The following KLHL21 variants were observed in gnomAD, a reference collection of about 807,000 sequenced individuals.
KLHL21 encodes the protein kelch-like protein 21.
In KLHL21, 42 loss-of-function variants were observed where a neutral mutation model predicts 44.1. That is an observed-to-expected ratio of 0.95 (90% CI 0.74 to 1.23). The LOEUF (loss-of-function observed/expected upper bound fraction) is 1.23. Among genes scored for constraint, KLHL21 ranks in the 50% most tolerant of loss-of-function variants. The pLI, the probability that KLHL21 is intolerant of heterozygous loss-of-function variation, is 0.00. For missense variants in KLHL21, 918 were observed against 889.1 expected, an observed-to-expected ratio of 1.03 and a Z score of -0.41; for synonymous variants, 524 against 411.6, an observed-to-expected ratio of 1.27 and a Z score of -3.31.
rs770184255 is a variant in KLHL21, at chr1:6,593,363, G to T, written c.*2C>A. Reference sequence around the variant, plus strand: ...CGAGGCCCGTGCCGGGCCAGACTGGGGCTAGTGCAGCTCATCGGGGTCCCG... The same window carrying T: ...CGAGGCCCGTGCCGGGCCAGACTGGTGCTAGTGCAGCTCATCGGGGTCCCG... On this transcript the variant is annotated 3_prime_UTR_variant, in exon 4 of 4. Transcript: ENST00000377658. 15 of 1,583,764 alleles carry T rather than the reference G, an allele frequency of 9.5e-6. No homozygotes were observed. In the South Asian group the frequency reaches 1.2e-4, roughly 13 times the overall value.
At chr1:6,599,681 A>C in intron 1 of KLHL21, 1 of 574,694 alleles carries the variant, frequency 1.7e-6, no homozygotes. Flanking sequence ...CTACCAAACA[A>C]AGGTCCTGAG....
In KLHL21 at chr1:6,599,355, C is replaced by G; in HGVS notation, c.1119G>C (p.Glu373Asp). ...AEVAPMLKAREYHSSSVLDGL... is the reference protein window; with the variant it reads ...AEVAPMLKARDYHSSSVLDGL... ...CGTCCAGCACAGAGGAGCTGTGGTA[C>G]TCGCGGGCCTTCAGCATGGGCGCCA... The change falls in exon 2 of 4, where the codon GAG becomes GAC. Residue 373 changes from glutamate (E) to aspartate (D), a missense_variant. By Grantham distance (45) the Glu-to-Asp change is conservative (BLOSUM62 2). Transcript: ENST00000377658. 1 of 1,613,888 alleles carries G rather than the reference C, an allele frequency of 6.2e-7. No homozygotes were observed. Among genetic ancestry groups the G allele is most frequent in the Non-Finnish European group, 8.5e-7 (1 of 1,180,034 alleles).
chr1:6,596,189 A>G (rs1264622999), intron 2 of KLHL21, among the ~76,000 whole-genome samples: 2 of 152,268 alleles, frequency 1.3e-5, no homozygotes, highest in Non-Finnish European at 2.9e-5. Flanking sequence ...GCCTGAGGTC[A>G]GGAGTTCGAG....
chr1:6,597,318 C>T (rs564352951), intron 2 of KLHL21, among the ~76,000 whole-genome samples: 2 of 152,286 alleles, frequency 1.3e-5, no homozygotes, highest in East Asian at 3.9e-4. Flanking sequence ...TGCTCTAGGA[C>T]AGATGGGGGA....
At position 6,602,829 on chromosome 1, in the gene KLHL21, T is replaced by G. The variant is rs564591242; in HGVS notation, c.-12A>C. ...GCCGGTCGCTCCATGGCGCCTTCGA[T>G]AGGTTGTCGAGGACGCCGCGGCCGG... On this transcript the variant is annotated 5_prime_UTR_variant, in exon 1 of 4. Coordinates refer to ENST00000377658, the MANE Select transcript of KLHL21 (RefSeq NM_014851.4). The G allele has an allele frequency of 1.6e-5, 23 of 1,421,522 alleles. No homozygotes were observed. The highest frequency in any genetic ancestry group is 1.7e-5 in the Non-Finnish European group (19 of 1,098,318). The allele number at this position is 1,421,522 out of a possible 1,614,324, so 88.1% of individuals were successfully genotyped here.
chr1:6,596,074 A>G (rs994676850), intron 2 of KLHL21, among the ~76,000 whole-genome samples: 2 of 152,100 alleles, frequency 1.3e-5, no homozygotes, highest in Admixed American at 1.3e-4. Flanking sequence ...TTATATCCCC[A>G]CAGTAAAAGG....
At chr1:6,600,525 C>T (rs543434942) in intron 1 of KLHL21, among the ~76,000 whole-genome samples, 9 of 152,344 alleles carry the variant, frequency 5.9e-5, no homozygotes, top group African/African-American at 2.2e-4. Flanking sequence ...TGTTTCACAG[C>T]CCTGAGCTCT....
rs369156912 is a variant in KLHL21, at chr1:6,590,878, C to T, written c.*2487G>A. On this transcript the variant is annotated 3_prime_UTR_variant, in exon 4 of 4. Transcript: ENST00000377658. Reference sequence around the variant, plus strand: ...CTGGATGTGGACACTGGAGGGAGGGCGTCCTTTATTACATACGCGTCTCTG... The same window carrying T: ...CTGGATGTGGACACTGGAGGGAGGGTGTCCTTTATTACATACGCGTCTCTG... 1 of 398,402 alleles carries T rather than the reference C, an allele frequency of 2.5e-6. No homozygotes were observed. Among genetic ancestry groups the T allele is most frequent in the African/African-American group, 2.1e-5 (1 of 48,628 alleles). 24.7% of individuals were successfully genotyped at this position (398,402 alleles called of 1,614,324 possible).
In KLHL21 at chr1:6,602,142, G is replaced by T; in HGVS notation, c.676C>A (p.Leu226Met). 7.0e-7 allele frequency: 1 copy of T among 1,421,800 alleles called. No homozygotes were observed. Among genetic ancestry groups the T allele is most frequent in the Non-Finnish European group, 9.1e-7 (1 of 1,097,832 alleles). 88.1% of individuals were successfully genotyped at this position (1,421,800 alleles called of 1,614,324 possible). Reference protein sequence around the residue: ...HWPQLLEAVRLPFVRRFYLLA... With the variant: ...HWPQLLEAVRMPFVRRFYLLA... ...AGGTAGAAGCGGCGCACGAAGGGCA[G>T]GCGCACGGCCTCCAGCAGCTGCGGC... Residue 226 changes from leucine to methionine, a missense_variant, in exon 1 of 4, where the codon CTG becomes ATG. Leu to Met is a conservative substitution (Grantham distance 15). Transcript: ENST00000377658.
intron 2 of KLHL21, among the ~76,000 whole-genome samples, chr1:6,596,953 G>A (rs892855296): frequency 2.0e-5 from 3 of 152,252 alleles, no homozygotes; most frequent in Non-Finnish European, 2.9e-5. Flanking sequence ...CTGGGCAGAG[G>A]GTTATGTGGC....
intron 1 of KLHL21, 158 bp from the exon 2 acceptor site, chr1:6,599,610 G>A (rs561158881): frequency 2.6e-6 from 2 of 762,618 alleles, no homozygotes; most frequent in East Asian, 5.4e-5. Context: ...CAGGCCACAT[G>A]TTGTGGCTAA....
intron 3 of KLHL21, chr1:6,594,177 G>A (rs1351674916): frequency 1.5e-6 from 1 of 678,424 alleles, no homozygotes; most frequent in Non-Finnish European, 1.8e-6. Flanking sequence ...TAAGCTGTGA[G>A]GCTGGATGTC....
chr1:6,597,888 G>A (rs1640948744), intron 2 of KLHL21, among the ~76,000 whole-genome samples: 1 of 152,272 alleles, frequency 6.6e-6, no homozygotes, highest in South Asian at 2.1e-4. Flanking sequence ...GAGTACAGCA[G>A]GGAGGGGCTG....
chr1:6,595,606 G>A (rs747452976), intron 2 of KLHL21, 49 bp from the exon 3 acceptor site: 4 of 1,519,452 alleles, frequency 2.6e-6, no homozygotes, highest in African/African-American at 1.4e-5. Context: ...AGGAGGAAGT[G>A]CACACATGCA....
In KLHL21 at chr1:6,593,537, C is replaced by A. The variant is rs556440546; in HGVS notation, c.1622G>T (p.Ser541Ile). 7 of 1,613,968 alleles carry A rather than the reference C, an allele frequency of 4.3e-6. No homozygotes were observed. In the African/African-American group the frequency reaches 9.3e-5, roughly 22 times the overall value. ...GGGTTCTGGGAGCCGCCCCACCACG[C>A]TCCACGCGCGAGTCTCTGGGTCATA... Reference protein sequence around the residue: ...EAYDPETRAWSVVGRLPEPTF... With the variant: ...EAYDPETRAWIVVGRLPEPTF... Residue 541 changes from serine (S) to isoleucine (I), a missense_variant, in exon 4 of 4, where the codon AGC becomes ATC. Coordinates refer to ENST00000377658, the MANE Select transcript of KLHL21 (RefSeq NM_014851.4).
Position 6,602,759 on chromosome 1 carries a change from C to A in KLHL21, c.59G>T (p.Ser20Ile), listed in dbSNP as rs1157463548. The A allele has an allele frequency of 2.0e-6, 3 of 1,496,052 alleles. No homozygotes were observed. The highest frequency in any genetic ancestry group is 8.8e-7 in the Non-Finnish European group (1 of 1,130,808). 92.7% of individuals were successfully genotyped at this position (1,496,052 alleles called of 1,614,324 possible). ...CAGCTGGCTCAGGCCGCGCAGCAGG[C>A]TCAGGGCGTGCGCGGGGTCCGAGAA... ...LPFSDPAHALSLLRGLSQLRA... is the reference protein window; with the variant it reads ...LPFSDPAHALILLRGLSQLRA... Residue 20 changes from serine to isoleucine, a missense_variant, in exon 1 of 4, where the codon AGC becomes ATC. By Grantham distance (142) the Ser-to-Ile change is moderately radical. Coordinates refer to ENST00000377658, the MANE Select transcript of KLHL21 (RefSeq NM_014851.4).
Position 6,590,798 on chromosome 1 carries a change from G to A in KLHL21, c.*2567C>T, listed in dbSNP as rs1421103630. ...CTTAAGCAGGATTCTGGACATGGAA[G>A]CCTACAGAATAGACAAAAATAAATA... On this transcript the variant is annotated 3_prime_UTR_variant, in exon 4 of 4. Coordinates refer to ENST00000377658, the MANE Select transcript of KLHL21 (RefSeq NM_014851.4). The A allele has an allele frequency of 1.8e-5, 7 of 396,804 alleles. No individual in the cohort carries two copies. Among genetic ancestry groups the A allele is most frequent in the Non-Finnish European group, 3.1e-5 (7 of 225,366 alleles). The allele number at this position is 396,804 out of a possible 1,614,324, so 24.6% of individuals were successfully genotyped here.
Position 6,602,758 on chromosome 1 carries a change from G to A in KLHL21, c.60C>T (p.Ser20=), listed in dbSNP as rs1376014770. 2.0e-6 allele frequency: 3 copies of A among 1,496,074 alleles called. No individual in the cohort carries two copies. The highest frequency in any genetic ancestry group is 2.7e-6 in the Non-Finnish European group (3 of 1,130,878). 92.7% of individuals were successfully genotyped at this position (1,496,074 alleles called of 1,614,324 possible). ...GCAGCTGGCTCAGGCCGCGCAGCAG[G>A]CTCAGGGCGTGCGCGGGGTCCGAGA... ...LPFSDPAHAL[S]LLRGLSQLRA... Residue 20 remains serine, a synonymous_variant, in exon 1 of 4, where the codon AGC becomes AGT. Transcript: ENST00000377658.
chr1:6,598,526 C>T (rs770687255), intron 2 of KLHL21, among the ~76,000 whole-genome samples: 39 of 151,394 alleles, frequency 2.6e-4, no homozygotes, highest in Non-Finnish European at 2.5e-4. Flanking sequence ...GCCAAGATCG[C>T]GCCACTGTAC....
Sources: gnomAD v4.1 joint callset for allele counts (sites outside exome capture counted in the v4.1 genomes callset) on GRCh38, gnomAD v4.1.1 for gene constraint, MANE v1.5 for transcripts, NCBI Gene and HGNC (gene_info 2026-07-23, HGNC 2026-07-21) for gene names.